The following ANXA6 variants were observed in gnomAD, a reference collection of about 807,000 sequenced individuals.
The protein encoded by ANXA6 is annexin A6, also known as 67 kDa calelectrin.
Under a neutral mutation model 95.4 loss-of-function variants are expected in ANXA6, and 71 were observed. That is an observed-to-expected ratio of 0.74 (90% CI 0.61 to 0.91). ANXA6 has a LOEUF of 0.91. Ranked by LOEUF, ANXA6 falls within the 40% of genes least tolerant of loss-of-function variation. The pLI, the probability that ANXA6 is intolerant of heterozygous loss-of-function variation, is 0.00. For missense variants in ANXA6, 830 were observed against 876.4 expected (o/e 0.95, Z 0.67); for synonymous variants, 289 against 315.9 (o/e 0.91, Z 0.90).
At chr5:151,139,319 C>A (rs778766512) in intron 4 of ANXA6, 34 bp downstream of exon 4, 2 of 1,466,624 alleles carry the variant, frequency 1.4e-6, no homozygotes, top group Admixed American at 3.7e-5. Flanking sequence ...TTCTTCCACC[C>A]GCACCCCATG....
intron 10 of ANXA6, 71 bp downstream of exon 10, chr5:151,132,405 T>G (rs1765538493): frequency 8.5e-7 from 1 of 1,171,438 alleles, no homozygotes; most frequent in Non-Finnish European, 1.2e-6. Flanking sequence ...CTTTCCATTC[T>G]CAGCCCCTTG....
intron 7 of ANXA6, among the ~76,000 whole-genome samples, chr5:151,135,385 T>C (rs1765629808): frequency 6.6e-6 from 1 of 152,214 alleles, no homozygotes; most frequent in African/African-American, 2.4e-5. Context: ...CTCCTGAGGT[T>C]TCTCCTGATC....
intron 4 of ANXA6, 45 bp from the exon 5 acceptor site, chr5:151,138,836 A>AAGT: frequency 7.4e-7 from 1 of 1,344,904 alleles, no homozygotes; most frequent in Non-Finnish European, 1.1e-6. Flanking sequence ...AAAGAGGAAG[A>AAGT]GTAGTTACAA....
chr5:151,146,765 C>T (rs2113955283), intron 2 of ANXA6, among the ~76,000 whole-genome samples: 1 of 152,272 alleles, frequency 6.6e-6, no homozygotes, highest in East Asian at 1.9e-4. Flanking sequence ...ACAGACAGCA[C>T]CCTCAGGCAA....
chr5:151,108,620 C>G, intron 22 of ANXA6, 70 bp from the exon 23 acceptor site: 1 of 1,333,864 alleles, frequency 7.5e-7, no homozygotes, highest in Non-Finnish European at 1.1e-6. Flanking sequence ...CCTCCTCAGC[C>G]CCACCCAGTG....
chr5:151,140,340 G>C (rs1765795250), intron 2 of ANXA6, 97 bp from the exon 3 acceptor site: 2 of 1,046,022 alleles, frequency 1.9e-6, no homozygotes. Context: ...GGTCCAGGCT[G>C]AGCTGCTTTC....
Position 151,129,496 on chromosome 5 carries a change from T to A in ANXA6, c.829A>T (p.Ile277Phe). The change falls in exon 12 of 26, where the codon ATC becomes TTC. Residue 277 changes from isoleucine to phenylalanine, a missense_variant. Transcript: ENST00000354546. Reference sequence around the variant, plus strand: ...TCCAACTCACTACGGGAGACCATGATGCGGATCAGGGTGTTGTCCCGAGTC... The same window carrying A: ...TCCAACTCACTACGGGAGACCATGAAGCGGATCAGGGTGTTGTCCCGAGTC... Reference protein sequence around the residue: ...LGTRDNTLIRIMVSRSELDML... With the variant: ...LGTRDNTLIRFMVSRSELDML... 6.2e-7 allele frequency: 1 copy of A among 1,610,758 alleles called. No individual in the cohort carries two copies. The highest frequency in any genetic ancestry group is 1.3e-5 in the African/African-American group (1 of 74,998).
intron 1 of ANXA6, among the ~76,000 whole-genome samples, chr5:151,151,838 C>A (rs1766115555): frequency 1.3e-5 from 2 of 152,220 alleles, no homozygotes; most frequent in Admixed American, 1.3e-4. Context: ...AGACCTGTGC[C>A]TCTTTCCTCC....
intron 5 of ANXA6, 34 bp from the exon 6 acceptor site, chr5:151,137,355 C>T (rs757267415): frequency 6.4e-7 from 1 of 1,570,580 alleles, no homozygotes; most frequent in East Asian, 2.3e-5. Flanking sequence ...GAATTAAGGG[C>T]AGGGATGGGA....
chr5:151,116,717 C>T (rs917138216), intron 20 of ANXA6, among the ~76,000 whole-genome samples: 2 of 152,222 alleles, frequency 1.3e-5, no homozygotes, highest in African/African-American at 4.8e-5. Context: ...TCCCATTTTA[C>T]AGATAATAAA....
In ANXA6 at chr5:151,101,182, A is replaced by G; in HGVS notation, c.*266T>C. On this transcript the variant is annotated 3_prime_UTR_variant, in exon 26 of 26. Transcript: ENST00000354546. ...GGCAGAGGCTGTAGCAAGGGGAGGA[A>G]GCTGGGAAAGCCTGAGGGTCAGAGG... 1.7e-6 allele frequency: 1 copy of G among 584,000 alleles called. No homozygotes were observed. Among genetic ancestry groups the G allele is most frequent in the East Asian group, 3.0e-5 (1 of 33,156 alleles). 36.2% of individuals were successfully genotyped at this position (584,000 alleles called of 1,614,324 possible).
intron 5 of ANXA6, 88 bp from the exon 6 acceptor site, chr5:151,137,409 G>A (rs1312203003): frequency 1.7e-5 from 17 of 976,302 alleles, no homozygotes; most frequent in East Asian, 2.7e-5. Flanking sequence ...CCAGAGCTAT[G>A]ACACCCCAGG....
rs562568015 is a variant in ANXA6, at chr5:151,123,322, C to A, written c.1139-311G>T. On this transcript the variant is annotated intron_variant, in intron 15 of 25. Coordinates refer to ENST00000354546, the MANE Select transcript of ANXA6 (RefSeq NM_001155.5). ...CAATGGCTGCCCACCCTGGGCAAGT[C>A]CCCTTCCCTTGATGGGACTTGGTTT... Among the ~76,000 whole-genome samples the A allele has an allele frequency of 1.4e-4, 22 of 152,314 alleles. No homozygotes were observed. The East Asian group carries it at 4.2e-3, about 29-fold the overall frequency.
chr5:151,150,378 G>A (rs1349767785), intron 1 of ANXA6, among the ~76,000 whole-genome samples: 1 of 152,186 alleles, frequency 6.6e-6, no homozygotes, highest in African/African-American at 2.4e-5. Flanking sequence ...GTTGTTGGAG[G>A]ATAAGACCTA....
intron 6 of ANXA6, among the ~76,000 whole-genome samples, chr5:151,137,022 A>G (rs1292935770): frequency 2.0e-5 from 3 of 152,186 alleles, no homozygotes; most frequent in Non-Finnish European, 2.9e-5. Flanking sequence ...CATTGGCCTA[A>G]GAGAGAGGGA....
Position 151,122,958 on chromosome 5 carries a change from G to T in ANXA6, c.1192C>A (p.Arg398=), listed in dbSNP as rs199949353. Residue 398 remains arginine (R), a synonymous_variant, in exon 16 of 26, where the codon CGG becomes AGG. Transcript: ENST00000354546. ...TTGAAGGTCTGCCGGATCTGCTGCC[G>T]CTGGACATTGCTGCGGTGCGTGATG... ...DIITHRSNVQ[R]QQIRQTFKSH... The T allele has an allele frequency of 1.5e-4, 248 of 1,613,904 alleles. 1 individual carries two copies. The African/African-American group carries it at 2.3e-3, about 15-fold the overall frequency.
intron 15 of ANXA6, among the ~76,000 whole-genome samples, chr5:151,123,423 C>G (rs1398042708): frequency 6.6e-6 from 1 of 152,218 alleles, no homozygotes; most frequent in African/African-American, 2.4e-5. Context: ...GTCCTGTTAG[C>G]AACTCTATGT....
intron 24 of ANXA6, among the ~76,000 whole-genome samples, chr5:151,104,776 A>C (rs1581973918): frequency 6.6e-6 from 1 of 152,278 alleles, no homozygotes; most frequent in Middle Eastern, 3.4e-3. Flanking sequence ...GTGACCTTTG[A>C]TGACTATTTG....
chr5:151,147,002 C>A (rs1582018494), intron 2 of ANXA6, among the ~76,000 whole-genome samples: 1 of 152,096 alleles, frequency 6.6e-6, no homozygotes, highest in African/African-American at 2.4e-5. Context: ...CGAAATCCTG[C>A]GCTCAAGTGA....
Sources: gnomAD v4.1 joint callset for allele counts (sites outside exome capture counted in the v4.1 genomes callset) on GRCh38, gnomAD v4.1.1 for gene constraint, MANE v1.5 for transcripts, NCBI Gene and HGNC (gene_info 2026-07-23, HGNC 2026-07-21) for gene names.